Variants in ANKS1B observed in about 807,000 individuals in gnomAD.
The protein encoded by ANKS1B is ankyrin repeat and sterile alpha motif domain containing 1B, also known as ankyrin repeat and sterile alpha motif domain-containing protein 1B.
A neutral mutation model predicts 148.3 loss-of-function variants in ANKS1B; 36 were observed. That is an observed-to-expected ratio of 0.24 (90% CI 0.19 to 0.32). The LOEUF is 0.32. ANKS1B is among the 10% of genes least tolerant of loss of function. The pLI is 1.00. For synonymous variants in ANKS1B, 542 were observed against 560.8 expected, an observed-to-expected ratio of 0.97 and a Z score of 0.47; for missense variants, 1,157 against 1,542.6, an observed-to-expected ratio of 0.75 and a Z score of 4.19.
chr12:99,496,106 T>C (rs1046699316), intron 10 of ANKS1B, among the ~76,000 whole-genome samples: 3 of 152,202 alleles, frequency 2.0e-5, no homozygotes, highest in African/African-American at 7.2e-5. Flanking sequence ...TTCAACATGA[T>C]TGGAAGCAGT....
chr12:99,765,900 T>C (rs1394658052), intron 8 of ANKS1B, among the ~76,000 whole-genome samples: 3 of 152,150 alleles, frequency 2.0e-5, no homozygotes, highest in Admixed American at 1.3e-4. Context: ...CTTGGAAATA[T>C]CAAGCAACTT....
chr12:98,798,123 A>ATTTT (rs10714780), intron 22 of ANKS1B, among the ~76,000 whole-genome samples: 2 of 143,012 alleles, frequency 1.4e-5, no homozygotes, highest in Non-Finnish European at 3.1e-5. Flanking sequence ...TGGAATTGCC[A>ATTTT]TTTTTTTTTT....
chr12:99,566,567 T>C (rs2097396436), intron 9 of ANKS1B, among the ~76,000 whole-genome samples: 1 of 152,098 alleles, frequency 6.6e-6, no homozygotes, highest in Non-Finnish European at 1.5e-5. Flanking sequence ...CATGTGTTGA[T>C]TAGAGGTGGG....
intron 17 of ANKS1B, among the ~76,000 whole-genome samples, chr12:98,954,651 TTTGTGGCAATG>T (rs1486582862): frequency 2.0e-5 from 3 of 152,206 alleles, no homozygotes; most frequent in African/African-American, 7.2e-5. Flanking sequence ...AAATGCCTGC[TTTGTGGCAATG>T]TTGTCCATTA....
chr12:99,755,485 A>T (rs141554937), intron 8 of ANKS1B, among the ~76,000 whole-genome samples: 2 of 151,982 alleles, frequency 1.3e-5, no homozygotes, highest in East Asian at 3.9e-4. Context: ...CTCCTCCCTA[A>T]CTCATTCTAT....
intron 17 of ANKS1B, among the ~76,000 whole-genome samples, chr12:99,048,016 G>A (rs1305366803): frequency 6.6e-6 from 1 of 152,268 alleles, no homozygotes; most frequent in East Asian, 1.9e-4. Flanking sequence ...TGAACAAGGG[G>A]CCCTATATTT....
rs556816166 is a variant in ANKS1B at position 98,956,773 on chromosome 12, T to C, written c.2778+96384A>G. Among the ~76,000 whole-genome samples, 4 of 152,292 alleles carry C rather than the reference T, an allele frequency of 2.6e-5. No homozygotes were observed. In the East Asian group the frequency reaches 7.7e-4, roughly 29 times the overall value. On this transcript the variant is annotated intron_variant, in intron 17 of 26. Transcript: ENST00000683438. ...CATACAGTAAGCTGTGGGGATACAATGCTGCATTGTACGCAGACTTGGTTC... is the reference window on the plus strand; with the variant it reads ...CATACAGTAAGCTGTGGGGATACAACGCTGCATTGTACGCAGACTTGGTTC...
intron 12 of ANKS1B, among the ~76,000 whole-genome samples, chr12:99,366,190 G>A (rs557747372): frequency 3.0e-4 from 46 of 152,302 alleles, no homozygotes; most frequent in African/African-American, 9.4e-4. Flanking sequence ...TGTTAGGAAG[G>A]GAGAAGTCAG....
chr12:98,947,503 ACT>A (rs1433181908), intron 17 of ANKS1B, among the ~76,000 whole-genome samples: 1 of 151,816 alleles, frequency 6.6e-6, no homozygotes, highest in Non-Finnish European at 1.5e-5. Flanking sequence ...TAAATCATTA[ACT>A]CTCAAATTTA....
At chr12:99,199,560 T>C (rs1483837876) in intron 14 of ANKS1B, among the ~76,000 whole-genome samples, 1 of 152,134 alleles carries the variant, frequency 6.6e-6, no homozygotes, top group African/African-American at 2.4e-5. Flanking sequence ...CCTCCTCCCT[T>C]GTGTCTGTAT....
chr12:98,970,373 C>T (rs1204147812), intron 17 of ANKS1B, among the ~76,000 whole-genome samples: 1 of 152,182 alleles, frequency 6.6e-6, no homozygotes, highest in East Asian at 1.9e-4. Flanking sequence ...AATGGTAGCA[C>T]ACAAAGGGCC....
chr12:99,930,476 C>T (rs897443899), intron 1 of ANKS1B, among the ~76,000 whole-genome samples: 4 of 152,128 alleles, frequency 2.6e-5, no homozygotes, highest in Non-Finnish European at 5.9e-5. Context: ...TTTTCCTAAT[C>T]GAATATCCTC....
At chr12:99,212,403 A>G (rs2083471305) in intron 14 of ANKS1B, among the ~76,000 whole-genome samples, 1 of 152,030 alleles carries the variant, frequency 6.6e-6, no homozygotes, top group Non-Finnish European at 1.5e-5. Context: ...CTAGGCATCA[A>G]ATTCCAACAG....
At chr12:99,797,220 T>A (rs974697050) in intron 4 of ANKS1B, among the ~76,000 whole-genome samples, 11 of 152,028 alleles carry the variant, frequency 7.2e-5, no homozygotes, top group African/African-American at 2.2e-4. Flanking sequence ...TTTGCCAAGG[T>A]GTAAAGTAAG....
intron 8 of ANKS1B, among the ~76,000 whole-genome samples, chr12:99,718,767 G>T (rs2057737017): frequency 6.6e-6 from 1 of 152,034 alleles, no homozygotes; most frequent in South Asian, 2.1e-4. Flanking sequence ...TCTTTACTAT[G>T]CCTTTGCACC....
At chr12:99,292,293 C>A (rs2080117988) in intron 12 of ANKS1B, among the ~76,000 whole-genome samples, 2 of 151,370 alleles carry the variant, frequency 1.3e-5, no homozygotes, top group Admixed American at 6.6e-5. Flanking sequence ...GAGACCGAGA[C>A]TATTCTGGCT....
intron 1 of ANKS1B, among the ~76,000 whole-genome samples, chr12:99,887,687 G>T (rs2153744877): frequency 6.6e-6 from 1 of 152,306 alleles, no homozygotes; most frequent in East Asian, 1.9e-4. Flanking sequence ...TACAGTACTA[G>T]TACGAGGTTA....
intron 9 of ANKS1B, among the ~76,000 whole-genome samples, chr12:99,544,885 G>C (rs2097158739): frequency 6.6e-6 from 1 of 151,958 alleles, no homozygotes; most frequent in Non-Finnish European, 1.5e-5. Context: ...TCTTCTTCTG[G>C]CTAAAAGTGC....
At chr12:99,791,024 C>T (rs968606445) in intron 4 of ANKS1B, among the ~76,000 whole-genome samples, 9 of 151,942 alleles carry the variant, frequency 5.9e-5, no homozygotes, top group Non-Finnish European at 1.2e-4. Context: ...CTGATGCCTA[C>T]AGGAAGCACA....
Sources: gnomAD v4.1 joint callset for allele counts (sites outside exome capture counted in the v4.1 genomes callset) on GRCh38, gnomAD v4.1.1 for gene constraint, MANE v1.5 for transcripts, NCBI Gene and HGNC (gene_info 2026-07-23, HGNC 2026-07-21) for gene names.